The following SDK1 variants were observed in gnomAD, a reference collection of about 807,000 sequenced individuals.
SDK1 encodes protein sidekick-1.
SDK1 carries 157 observed loss-of-function variants against 245.5 expected under a neutral mutation model. The ratio of observed to expected loss-of-function variants is 0.64; its 90% CI spans 0.56 to 0.73. The LOEUF (loss-of-function observed/expected upper bound fraction) is 0.73, where lower values mean the gene tolerates loss of function less well. Ranked by LOEUF, SDK1 falls within the 30% of genes least tolerant of loss-of-function variation. The pLI is 0.00. For synonymous variants in SDK1, 1,647 were observed against 1,278.5 expected (o/e 1.29, Z -6.15); for missense variants, 3,583 against 3,002.3 (o/e 1.19, Z -4.52).
intron 35 of SDK1, among the ~76,000 whole-genome samples, chr7:4,196,291 T>C (rs676609): frequency 0.21 from 31,395 of 152,184 alleles, 3,300 homozygotes; most frequent in Middle Eastern, 0.28. Flanking sequence ...GACCACCCTC[T>C]GCAGCCTGTG....
chr7:3,668,665 C>T (rs1783607603), intron 4 of SDK1, among the ~76,000 whole-genome samples: 1 of 152,132 alleles, frequency 6.6e-6, no homozygotes, highest in Non-Finnish European at 1.5e-5. Context: ...GTGGTGTGCA[C>T]CTGTAATCCC....
intron 1 of SDK1, among the ~76,000 whole-genome samples, chr7:3,479,781 G>C (rs1477961966): frequency 3.3e-5 from 5 of 151,586 alleles, no homozygotes; most frequent in Non-Finnish European, 7.4e-5. Context: ...AGAATTGCTT[G>C]AAACTGGGAG....
chr7:3,602,618 G>C (rs147183488), intron 1 of SDK1, among the ~76,000 whole-genome samples: 5 of 151,510 alleles, frequency 3.3e-5, no homozygotes, highest in South Asian at 2.1e-4. Context: ...TTCTCCCATT[G>C]TGTAGGTTCC....
chr7:3,868,572 G>C (rs1305260282), intron 5 of SDK1, among the ~76,000 whole-genome samples: 1 of 152,186 alleles, frequency 6.6e-6, no homozygotes, highest in Non-Finnish European at 1.5e-5. Flanking sequence ...ATCTGCTCTA[G>C]TATTATGGTC....
In SDK1 at chr7:3,967,564, T is replaced by G. The variant is rs1458780749; in HGVS notation, c.1546+130T>G. ...CACTCAATGAAGATTAAATAACTCTTATTGCAGCAGTCCCCAACCTTTTTG... is the reference window on the plus strand; with the variant it reads ...CACTCAATGAAGATTAAATAACTCTGATTGCAGCAGTCCCCAACCTTTTTG... On this transcript the variant is annotated intron_variant, in intron 10 of 44. Coordinates refer to ENST00000404826, the MANE Select transcript of SDK1 (RefSeq NM_152744.4). 4.2e-5 allele frequency: 28 copies of G among 661,558 alleles called. 1 individual carries two copies. 41.0% of individuals were successfully genotyped at this position (661,558 alleles called of 1,614,324 possible).
intron 28 of SDK1, among the ~76,000 whole-genome samples, chr7:4,138,621 C>T (rs1336116803): frequency 6.6e-6 from 1 of 151,958 alleles, no homozygotes; most frequent in Non-Finnish European, 1.5e-5. Context: ...TTGGCACACA[C>T]CTGTAATCCC....
rs553894720 is a variant in SDK1 at position 4,095,137 on chromosome 7, C to T, written c.3325-15526C>T. Among the ~76,000 whole-genome samples, 94 of 150,670 alleles carry T rather than the reference C, an allele frequency of 6.2e-4. 1 individual carries two copies. Among genetic ancestry groups the T allele is most frequent in the Non-Finnish European group, 8.9e-4 (60 of 67,374 alleles). The stretch of plus-strand genomic sequence containing the variant: ...TCTGAGGTCTTCCTCACCTCCCCCA[C>T]ATCTGAGCTCTTCCTCAGCTCCCCC... On this transcript the variant is annotated intron_variant, in intron 22 of 44. Coordinates refer to ENST00000404826, the MANE Select transcript of SDK1 (RefSeq NM_152744.4).
intron 3 of SDK1, among the ~76,000 whole-genome samples, chr7:3,641,509 T>A (rs1782646833): frequency 6.6e-6 from 1 of 152,078 alleles, no homozygotes; most frequent in African/African-American, 2.4e-5. Flanking sequence ...GACAGTGACC[T>A]CACAAATGAA....
chr7:3,630,192 G>C (rs1447231115), intron 2 of SDK1, among the ~76,000 whole-genome samples: 1 of 152,196 alleles, frequency 6.6e-6, no homozygotes, highest in Non-Finnish European at 1.5e-5. Flanking sequence ...GAGGCAGTCA[G>C]AGGAAAAATA....
At chr7:4,028,930 C>T (rs1787572958) in intron 17 of SDK1, among the ~76,000 whole-genome samples, 1 of 152,142 alleles carries the variant, frequency 6.6e-6, no homozygotes, top group African/African-American at 2.4e-5. Context: ...ACTCCAGGTT[C>T]ATGTAAAAGG....
chr7:4,055,435 T>C (rs1007019743), intron 19 of SDK1, among the ~76,000 whole-genome samples: 2 of 152,222 alleles, frequency 1.3e-5, no homozygotes, highest in Admixed American at 1.3e-4. Flanking sequence ...TCCTGTTTTT[T>C]ATTCCTGATA....
rs73298387 is a variant in SDK1 at position 3,410,385 on chromosome 7, A to C, written c.298+108501A>C. On this transcript the variant is annotated intron_variant, in intron 1 of 44. Coordinates refer to ENST00000404826, the MANE Select transcript of SDK1 (RefSeq NM_152744.4). ...ATATTAGACCTGTGTCCCATCTTCAAGATACCGCATTATGTATATGCAAAT... is the reference window on the plus strand; with the variant it reads ...ATATTAGACCTGTGTCCCATCTTCACGATACCGCATTATGTATATGCAAAT... Among the ~76,000 whole-genome samples the C allele has an allele frequency of 9.1e-3, 1,379 of 152,232 alleles. 28 individuals carry two copies. Among genetic ancestry groups the C allele is most frequent in the African/African-American group, 0.031 (1,301 of 41,528 alleles).
At chr7:3,935,217 G>A (rs1780114474) in intron 5 of SDK1, among the ~76,000 whole-genome samples, 1 of 152,168 alleles carries the variant, frequency 6.6e-6, no homozygotes, top group African/African-American at 2.4e-5. Context: ...TATTAACAGA[G>A]TGTAGCAGGT....
intron 28 of SDK1, among the ~76,000 whole-genome samples, chr7:4,145,243 C>G (rs571137600): frequency 1.3e-5 from 2 of 152,258 alleles, no homozygotes; most frequent in African/African-American, 4.8e-5. Context: ...TGCAGGCAGA[C>G]AGGGAAGACA....
At chr7:3,597,848 C>T (rs1341811104) in intron 1 of SDK1, among the ~76,000 whole-genome samples, 2 of 152,086 alleles carry the variant, frequency 1.3e-5, no homozygotes, top group African/African-American at 2.4e-5. Context: ...TATTGATGTA[C>T]GTCTCTGTCG....
rs536026526 is a variant in SDK1 at position 3,957,466 on chromosome 7, G to A, written c.1151-1465G>A. On this transcript the variant is annotated intron_variant, in intron 7 of 44. Coordinates refer to ENST00000404826, the MANE Select transcript of SDK1 (RefSeq NM_152744.4). ...TTACTTCTCACAACTGCACGGACTC[G>A]ACAGTTTTCTAAAAAGAAAACGCTC... is the stretch of plus-strand genomic sequence containing the variant. 1.7e-3 allele frequency among the ~76,000 whole-genome samples: 259 copies of A among 152,238 alleles called. 1 individual carries two copies. Among genetic ancestry groups the A allele is most frequent in the African/African-American group, 6.0e-3 (248 of 41,530 alleles).
intron 4 of SDK1, among the ~76,000 whole-genome samples, chr7:3,700,175 A>T (rs946532725): frequency 6.6e-6 from 1 of 152,254 alleles, no homozygotes; most frequent in Non-Finnish European, 1.5e-5. Flanking sequence ...ATGTGTTTCT[A>T]TAATACCTAC....
chr7:3,809,041 G>A (rs1368047975), intron 4 of SDK1, among the ~76,000 whole-genome samples: 2 of 152,080 alleles, frequency 1.3e-5, no homozygotes, highest in Non-Finnish European at 2.9e-5. Context: ...TACCCAAGAC[G>A]GGGTAATTTA....
rs139395363 is a variant in SDK1, at chr7:3,885,456, C to T, written c.847+63873C>T. 1.3e-3 allele frequency among the ~76,000 whole-genome samples: 197 copies of T among 152,170 alleles called. 1 individual carries two copies. The highest frequency in any genetic ancestry group is 4.3e-3 in the African/African-American group (180 of 41,490). On this transcript the variant is annotated intron_variant, in intron 5 of 44. Coordinates refer to ENST00000404826, the MANE Select transcript of SDK1 (RefSeq NM_152744.4). ...TTTGCTCTGTTTTCTGTTTATTGTA[C>T]GTTATTATCCCTGTGCTTTCGGTAC...
Sources: gnomAD v4.1 joint callset for allele counts (sites outside exome capture counted in the v4.1 genomes callset) on GRCh38, gnomAD v4.1.1 for gene constraint, MANE v1.5 for transcripts, NCBI Gene and HGNC (gene_info 2026-07-23, HGNC 2026-07-21) for gene names.